ADAMTSL1: variants seen among roughly 807,000 people sequenced by gnomAD.
The protein encoded by ADAMTSL1 is ADAMTS like 1.
Under a neutral mutation model 201.8 loss-of-function variants are expected in ADAMTSL1, and 126 were observed. The observed-to-expected ratio is 0.62, with a 90% CI of 0.54 to 0.72. The LOEUF is 0.72. ADAMTSL1 is among the 30% of genes least tolerant of loss of function. The pLI is 0.00. For synonymous variants in ADAMTSL1, 1,121 were observed against 903.4 expected, an observed-to-expected ratio of 1.24 and a Z score of -4.32; for missense variants, 2,679 against 2,277.8, an observed-to-expected ratio of 1.18 and a Z score of -3.59.
At chr9:18,535,310 C>T (rs1425134274) in intron 3 of ADAMTSL1, among the ~76,000 whole-genome samples, 1 of 152,214 alleles carries the variant, frequency 6.6e-6, no homozygotes, top group Non-Finnish European at 1.5e-5. Flanking sequence ...TTCCTTTTCT[C>T]CATCTGAGAC....
chr9:18,064,491 G>A (rs888894871), intron 1 of ADAMTSL1, among the ~76,000 whole-genome samples: 4 of 152,156 alleles, frequency 2.6e-5, no homozygotes, highest in Non-Finnish European at 5.9e-5. Context: ...TAAAGTGAAA[G>A]TCCTGTTACC....
chr9:17,940,036 G>C (rs914159806), intron 1 of ADAMTSL1, among the ~76,000 whole-genome samples: 7 of 152,100 alleles, frequency 4.6e-5, no homozygotes, highest in East Asian at 1.9e-4. Context: ...GGGTGTATTG[G>C]GGGGAGGATG....
chr9:18,245,109 T>G (rs1307500888), intron 2 of ADAMTSL1, among the ~76,000 whole-genome samples: 2 of 152,084 alleles, frequency 1.3e-5, no homozygotes, highest in African/African-American at 4.8e-5. Flanking sequence ...AGGTGTTAGA[T>G]CAGGGAATTC....
At chr9:18,498,338 CTTT>C in intron 1 of ADAMTSL1, among the ~76,000 whole-genome samples, 1 of 141,052 alleles carries the variant, frequency 7.1e-6, no homozygotes. Flanking sequence ...CCCCCACCCC[CTTT>C]TTTTTTTTTT....
chr9:18,838,030 G>C (rs928810995), intron 23 of ADAMTSL1, among the ~76,000 whole-genome samples: 1 of 152,078 alleles, frequency 6.6e-6, no homozygotes, highest in Non-Finnish European at 1.5e-5. Flanking sequence ...TCATGCTGCT[G>C]TTTTCTTCCC....
Position 18,629,393 on chromosome 9 carries a change from C to T in ADAMTSL1, c.602-6550C>T, listed in dbSNP as rs1826599589. 1.3e-5 allele frequency among the ~76,000 whole-genome samples: 2 copies of T among 152,108 alleles called. 1 individual carries two copies. The highest frequency in any genetic ancestry group is 4.1e-4 in the South Asian group (2 of 4,824). ...TGTTAGCTGTAGGTTTTTATAAATG[C>T]CCTTTATCAGATTGAGGAAGTTCCC... is the stretch of plus-strand genomic sequence containing the variant. On this transcript the variant is annotated intron_variant, in intron 5 of 28. Transcript: ENST00000380548.
At chr9:18,464,357 C>A (rs1298344980) in intron 2 of ADAMTSL1, among the ~76,000 whole-genome samples, 1 of 152,098 alleles carries the variant, frequency 6.6e-6, no homozygotes, top group Non-Finnish European at 1.5e-5. Context: ...TTAACAAAAA[C>A]CTGTACAAAT....
At chr9:18,522,113 C>G (rs1818733270) in intron 2 of ADAMTSL1, among the ~76,000 whole-genome samples, 1 of 152,010 alleles carries the variant, frequency 6.6e-6, no homozygotes, top group African/African-American at 2.4e-5. Flanking sequence ...GAAACTCTTA[C>G]AATAATGTGT....
At chr9:18,007,655 A>T (rs1376312956) in intron 1 of ADAMTSL1, among the ~76,000 whole-genome samples, 1 of 151,936 alleles carries the variant, frequency 6.6e-6, no homozygotes, top group African/African-American at 2.4e-5. Flanking sequence ...AGCTCTGGTA[A>T]TGGGGATGAT....
chr9:18,467,308 C>G (rs1253304650), intron 2 of ADAMTSL1, among the ~76,000 whole-genome samples: 1 of 151,970 alleles, frequency 6.6e-6, no homozygotes, highest in Non-Finnish European at 1.5e-5. Context: ...ATTAAAATGC[C>G]AAATTAAAAA....
intron 14 of ADAMTSL1, among the ~76,000 whole-genome samples, chr9:18,711,616 A>G (rs1437850300): frequency 6.6e-6 from 1 of 152,198 alleles, no homozygotes; most frequent in Non-Finnish European, 1.5e-5. Context: ...AGTCTCGCTG[A>G]TTGCTAGCAC....
rs543956882 is a variant in ADAMTSL1 at position 18,826,719 on chromosome 9, T to C, written c.4114+256T>C. Among the ~76,000 whole-genome samples the C allele has an allele frequency of 3.9e-5, 6 of 152,340 alleles. No individual in the cohort carries two copies. In the East Asian group the frequency reaches 1.2e-3, roughly 29 times the overall value. On this transcript the variant is annotated intron_variant, in intron 22 of 28. Coordinates refer to ENST00000380548, the MANE Select transcript of ADAMTSL1 (RefSeq NM_001040272.6). ...CTTCACTCTGCTAAGCCTTAGATACTGGTCTCTATGCGGAGACTCCAGACA... is the reference window on the plus strand; with the variant it reads ...CTTCACTCTGCTAAGCCTTAGATACCGGTCTCTATGCGGAGACTCCAGACA...
chr9:18,680,337 T>A lies in ADAMTSL1; in HGVS notation c.1162T>A (p.Cys388Ser). The stretch of plus-strand genomic sequence containing the variant: ...GTGGGAGGCCACCCCATGGACCGCG[T>A]GCTCCTCCTCGTGTGGGGGGGGCAT... Reference protein sequence around the residue: ...PRWEATPWTACSSSCGGGIQS... With the variant: ...PRWEATPWTASSSSCGGGIQS... The change falls in exon 11 of 29, where the codon TGC (cysteine) becomes AGC (serine). Residue 388 changes from cysteine to serine, a missense_variant. Transcript: ENST00000380548. 1 of 1,614,108 alleles carries A rather than the reference T, an allele frequency of 6.2e-7. No individual in the cohort carries two copies.
intron 2 of ADAMTSL1, among the ~76,000 whole-genome samples, chr9:18,383,319 G>T (rs2133190675): frequency 6.6e-6 from 1 of 152,156 alleles, no homozygotes; most frequent in South Asian, 2.1e-4. Flanking sequence ...GTAAGGAGAG[G>T]ACACTGTCAC....
At chr9:18,172,323 A>G (rs1230053427) in intron 2 of ADAMTSL1, among the ~76,000 whole-genome samples, 1 of 152,112 alleles carries the variant, frequency 6.6e-6, no homozygotes, top group Non-Finnish European at 1.5e-5. Flanking sequence ...TGAACAGCCC[A>G]ATAGAAAAAA....
intron 2 of ADAMTSL1, among the ~76,000 whole-genome samples, chr9:18,397,131 A>G (rs1432943489): frequency 6.6e-6 from 1 of 152,100 alleles, no homozygotes; most frequent in Non-Finnish European, 1.5e-5. Context: ...TAGATTTCTT[A>G]TCCGATTTTT....
At chr9:18,637,503 C>G (rs545070860) in intron 6 of ADAMTSL1, among the ~76,000 whole-genome samples, 1 of 152,218 alleles carries the variant, frequency 6.6e-6, no homozygotes, top group East Asian at 1.9e-4. Flanking sequence ...GTATTAGTCT[C>G]ATAGATTTCA....
intron 1 of ADAMTSL1, 74 bp downstream of exon 1, chr9:18,474,369 G>GTGTGTT: frequency 7.3e-7 from 1 of 1,366,424 alleles, no homozygotes; most frequent in South Asian, 1.2e-5. Flanking sequence ...GTGTGTGTAT[G>GTGTGTT]TGTGTTTGTG....
chr9:18,273,116 G>GT (rs1563849959), intron 2 of ADAMTSL1, among the ~76,000 whole-genome samples: 1 of 152,172 alleles, frequency 6.6e-6, no homozygotes, highest in East Asian at 1.9e-4. Context: ...GTCTCACTCT[G>GT]TTACCCAGGC....
Sources: gnomAD v4.1 joint callset for allele counts (sites outside exome capture counted in the v4.1 genomes callset) on GRCh38, gnomAD v4.1.1 for gene constraint, MANE v1.5 for transcripts, NCBI Gene and HGNC (gene_info 2026-07-23, HGNC 2026-07-21) for gene names.